The following STX18 variants were observed in gnomAD, a reference collection of about 807,000 sequenced individuals.
STX18 encodes the protein syntaxin 18.
A neutral mutation model predicts 50.1 loss-of-function variants in STX18; 40 were observed. That is an observed-to-expected ratio of 0.80 (90% confidence interval 0.62 to 1.04). STX18 has a LOEUF of 1.04. Ranked by LOEUF, STX18 falls within the 50% of genes least tolerant of loss-of-function variation. STX18 has a pLI of 0.00. For missense variants in STX18, 410 were observed against 415.8 expected (o/e 0.99, Z 0.12); for synonymous variants, 158 against 151.8 (o/e 1.04, Z -0.30).
chr4:4,462,541 C>A (rs1263656742), intron 2 of STX18, among the ~76,000 whole-genome samples: 1 of 152,050 alleles, frequency 6.6e-6, no homozygotes, highest in East Asian at 1.9e-4. Context: ...GAACAACTGG[C>A]CTCGGGAAAA....
chr4:4,515,949 T>A (rs984995962), intron 1 of STX18, among the ~76,000 whole-genome samples: 1 of 152,158 alleles, frequency 6.6e-6, no homozygotes, highest in Admixed American at 6.5e-5. Context: ...CAAAAGCTTT[T>A]GTGATGAGAA....
chr4:4,473,165 A>G (rs1180820446), intron 1 of STX18, among the ~76,000 whole-genome samples: 2 of 152,128 alleles, frequency 1.3e-5, no homozygotes, highest in Non-Finnish European at 2.9e-5. Flanking sequence ...CACATTTAGT[A>G]TGTGAGCTTG....
At chr4:4,512,871 G>C (rs1201028142) in intron 1 of STX18, among the ~76,000 whole-genome samples, 1 of 152,070 alleles carries the variant, frequency 6.6e-6, no homozygotes, top group Non-Finnish European at 1.5e-5. Flanking sequence ...TATGCTTTGT[G>C]GGCTATTAAT....
At chr4:4,445,722 A>G (rs1726360919) in intron 5 of STX18, among the ~76,000 whole-genome samples, 2 of 152,292 alleles carry the variant, frequency 1.3e-5, no homozygotes, top group East Asian at 3.9e-4. Flanking sequence ...AAGATATACT[A>G]TGTTTGTGGA....
intron 5 of STX18, chr4:4,453,797 A>ATTGAGGTAGTGTGAAGCATCT: frequency 3.0e-6 from 1 of 333,724 alleles, no homozygotes; most frequent in Non-Finnish European, 4.3e-6. Context: ...GAGATGCTTC[A>ATTGAGGTAGTGTGAAGCATCT]CACTACCTCA....
chr4:4,469,548 G>T (rs1458820452), intron 2 of STX18, among the ~76,000 whole-genome samples: 3 of 152,138 alleles, frequency 2.0e-5, no homozygotes, highest in Admixed American at 1.3e-4. Context: ...GAAGCGGTGT[G>T]AGGGATGAGA....
Position 4,541,998 on chromosome 4 carries a change from G to A in STX18, c.-34C>T, listed in dbSNP as rs528476975. Reference sequence around the variant, plus strand: ...GCACCCTCAGCCCCACACTAGGCCCGCCCACGTAAGCAGCCGGCGACCGCG... The same window carrying A: ...GCACCCTCAGCCCCACACTAGGCCCACCCACGTAAGCAGCCGGCGACCGCG... On this transcript the variant is annotated 5_prime_UTR_variant, in exon 1 of 11. Transcript: ENST00000306200. 19 of 1,533,674 alleles carry A rather than the reference G, an allele frequency of 1.2e-5. No homozygotes were observed. Among genetic ancestry groups the A allele is most frequent in the African/African-American group, 1.1e-4 (8 of 70,904 alleles).
chr4:4,465,564 A>G (rs1577347588), intron 2 of STX18, among the ~76,000 whole-genome samples: 1 of 152,300 alleles, frequency 6.6e-6, no homozygotes, highest in East Asian at 1.9e-4. Context: ...ATGGGAACGC[A>G]TGGACATGAG....
At chr4:4,502,895 A>G (rs1204684603) in intron 1 of STX18, among the ~76,000 whole-genome samples, 1 of 152,206 alleles carries the variant, frequency 6.6e-6, no homozygotes, top group African/African-American at 2.4e-5. Flanking sequence ...GAAAACACAG[A>G]GTTCTCACCA....
At chr4:4,536,639 T>C (rs1731347993) in intron 1 of STX18, among the ~76,000 whole-genome samples, 1 of 151,660 alleles carries the variant, frequency 6.6e-6, no homozygotes, top group Non-Finnish European at 1.5e-5. Context: ...TGGAGTAGAG[T>C]GAGCAAAAGG....
At chr4:4,480,054 T>A (rs1274030878) in intron 1 of STX18, among the ~76,000 whole-genome samples, 3 of 152,180 alleles carry the variant, frequency 2.0e-5, no homozygotes, top group Non-Finnish European at 4.4e-5. Context: ...CCCATATGCG[T>A]GAAACATAGG....
chr4:4,469,513 G>A (rs1015702855), intron 2 of STX18, among the ~76,000 whole-genome samples: 2 of 152,080 alleles, frequency 1.3e-5, no homozygotes, highest in African/African-American at 4.8e-5. Flanking sequence ...AAATAGCTGG[G>A]AATCATGAAT....
intron 1 of STX18, among the ~76,000 whole-genome samples, chr4:4,501,666 C>G (rs145819406): frequency 1.2e-4 from 19 of 152,286 alleles, no homozygotes; most frequent in Non-Finnish European, 2.2e-4. Context: ...AAAATGTAAC[C>G]TATTCACTTA....
chr4:4,467,051 T>C (rs1727650733), intron 2 of STX18, among the ~76,000 whole-genome samples: 1 of 152,126 alleles, frequency 6.6e-6, no homozygotes, highest in Non-Finnish European at 1.5e-5. Flanking sequence ...CTGGTCTGCA[T>C]GGTGCCAGCT....
chr4:4,541,417 G>A (rs1410944485), intron 1 of STX18, among the ~76,000 whole-genome samples: 1 of 152,146 alleles, frequency 6.6e-6, no homozygotes, highest in Non-Finnish European at 1.5e-5. Context: ...GGCAAATATG[G>A]TGTGGTCAGT....
At chr4:4,484,288 T>C (rs1400223415) in intron 1 of STX18, among the ~76,000 whole-genome samples, 3 of 152,226 alleles carry the variant, frequency 2.0e-5, no homozygotes, top group African/African-American at 7.2e-5. Flanking sequence ...ATACTCTCTG[T>C]GTCAGCAGAA....
At chr4:4,424,325 C>G (rs1725128374) in intron 8 of STX18, among the ~76,000 whole-genome samples, 1 of 151,972 alleles carries the variant, frequency 6.6e-6, no homozygotes, top group Non-Finnish European at 1.5e-5. Context: ...GTGGTGGGAG[C>G]TGAGCTCCTG....
chr4:4,531,826 A>G (rs1451842093), intron 1 of STX18, among the ~76,000 whole-genome samples: 2 of 152,252 alleles, frequency 1.3e-5, no homozygotes, highest in African/African-American at 4.8e-5. Flanking sequence ...ATACTAGAAC[A>G]TTCAATTTTT....
chr4:4,512,487 C>T (rs999578544), intron 1 of STX18, among the ~76,000 whole-genome samples: 3 of 152,034 alleles, frequency 2.0e-5, no homozygotes, highest in African/African-American at 7.2e-5. Context: ...GGATGAGTTC[C>T]CAGGAAGAAG....
Sources: gnomAD v4.1 joint callset for allele counts (sites outside exome capture counted in the v4.1 genomes callset) on GRCh38, gnomAD v4.1.1 for gene constraint, MANE v1.5 for transcripts, NCBI Gene and HGNC (gene_info 2026-07-23, HGNC 2026-07-21) for gene names.